Variants in GIGYF1 observed in about 807,000 individuals in gnomAD.
GIGYF1 encodes the protein GRB10-interacting GYF protein 1.
GIGYF1 carries 84 observed loss-of-function variants against 147.1 expected under a neutral mutation model. The ratio of observed to expected loss-of-function variants is 0.57; its 90% CI spans 0.48 to 0.68. The LOEUF is 0.68. Among genes scored for constraint, GIGYF1 ranks in the 30% least tolerant of loss-of-function variants. The probability of loss-of-function intolerance (pLI) is 0.00; values close to 1 mark genes in which losing one functional copy is unlikely to be tolerated. For synonymous variants in GIGYF1, 752 were observed against 589.5 expected (o/e 1.28, Z -3.99); for missense variants, 1,485 against 1,393.7 (o/e 1.07, Z -1.04).
In GIGYF1 at chr7:100,691,298, C is replaced by T. The variant is rs146349137; in HGVS notation, c.-1098-1743G>A. On this transcript the variant is annotated intron_variant, in intron 1 of 26. Coordinates refer to ENST00000678049, the MANE Select transcript of GIGYF1 (RefSeq NM_001375765.1). The stretch of plus-strand genomic sequence containing the variant: ...GCTATGTGACTCCAGATACCAAGTG[C>T]GCCAGTGCTGAGACACCCTCCTCTG... Among the ~76,000 whole-genome samples the T allele has an allele frequency of 3.0e-4, 46 of 152,272 alleles. 1 individual carries two copies. In the East Asian group the frequency reaches 7.4e-3, roughly 24 times the overall value.
chr7:100,689,159 GA>G lies in GIGYF1; in HGVS notation c.-703del, dbSNP rs747459515. ...ACTCTAGGGCCACAGACGGGTACAC[GA>G]CAAGGACTCCAGGCAGGCAAGCCTG... On this transcript the variant is annotated 5_prime_UTR_variant, in exon 2 of 27. Coordinates refer to ENST00000678049, the MANE Select transcript of GIGYF1 (RefSeq NM_001375765.1). The G allele has an allele frequency of 6.6e-6, 1 of 152,354 alleles. No homozygotes were observed. Among genetic ancestry groups the G allele is most frequent in the Non-Finnish European group, 1.5e-5 (1 of 68,200 alleles). 9.4% of individuals were successfully genotyped at this position (152,354 alleles called of 1,614,324 possible).
rs1188005605 is a variant in GIGYF1 at position 100,688,102 on chromosome 7, G to A, written c.44C>T (p.Ala15Val). 1 of 1,608,272 alleles carries A rather than the reference G, an allele frequency of 6.2e-7. No individual in the cohort carries two copies. The highest frequency in any genetic ancestry group is 2.2e-5 in the East Asian group (1 of 44,780). ...TLNFGPEWLRALSGGGSVASP... is the reference protein window; with the variant it reads ...TLNFGPEWLRVLSGGGSVASP... Reference sequence around the variant, plus strand: ...GGCCACGCTGCCGCCCCCGGACAGGGCCCTGAGCCTGGACACAACACAGAG... The same window carrying A: ...GGCCACGCTGCCGCCCCCGGACAGGACCCTGAGCCTGGACACAACACAGAG... Residue 15 changes from alanine (A) to valine (V), a missense_variant, in exon 5 of 27, where the codon GCC (alanine) becomes GTC (valine). Transcript: ENST00000678049.
chr7:100,679,780 G>C lies in GIGYF1; in HGVS notation c.*1939C>G, dbSNP rs1804550494. On this transcript the variant is annotated 3_prime_UTR_variant, in exon 27 of 27. Transcript: ENST00000678049. ...GTAAACATTGACCACTCTCAGAAGGGGATGGGGGTGGGAGAGGGCTCCCCC... is the reference window on the plus strand; with the variant it reads ...GTAAACATTGACCACTCTCAGAAGGCGATGGGGGTGGGAGAGGGCTCCCCC... 6.6e-6 allele frequency: 1 copy of C among 152,592 alleles called. No individual in the cohort carries two copies. The highest frequency in any genetic ancestry group is 2.4e-5 in the African/African-American group (1 of 41,416). 9.5% of individuals were successfully genotyped at this position (152,592 alleles called of 1,614,324 possible). A position where few individuals can be genotyped will look rare whatever the true frequency, so the allele number is the denominator to read the frequency against.
At position 100,682,227 on chromosome 7, in the gene GIGYF1, C is replaced by T. The variant is rs1396327947; in HGVS notation, c.2770G>A (p.Ala924Thr). The change falls in exon 25 of 27, where the codon GCT becomes ACT. Residue 924 changes from alanine (A) to threonine (T), a missense_variant. Transcript: ENST00000678049. The stretch of plus-strand genomic sequence containing the variant: ...TCCACCTCCTTGAGGATCGCTACAG[C>T]CATGGGCACTGCAGGATGAGCGAAG... ...SATGSLDVPM[A>T]VAILKEVESP... is the part of the protein sequence containing the mutation. 1 of 1,612,108 alleles carries T rather than the reference C, an allele frequency of 6.2e-7. No individual in the cohort carries two copies. The highest frequency in any genetic ancestry group is 8.5e-7 in the Non-Finnish European group (1 of 1,179,788).
chr7:100,687,462 G>A (rs774950961), intron 7 of GIGYF1, 43 bp downstream of exon 7: 12 of 1,604,634 alleles, frequency 7.5e-6, no homozygotes, highest in Non-Finnish European at 1.0e-5. Context: ...GAAGTCAGGG[G>A]CCCAGATCTG....
In GIGYF1 at chr7:100,688,776, T is replaced by G. The variant is rs1053939156; in HGVS notation, c.-319A>C. 1.1e-5 allele frequency: 3 copies of G among 277,942 alleles called. No individual in the cohort carries two copies. The highest frequency in any genetic ancestry group is 2.2e-5 in the Non-Finnish European group (3 of 136,380). 17.2% of individuals were successfully genotyped at this position (277,942 alleles called of 1,614,324 possible). On this transcript the variant is annotated 5_prime_UTR_variant, in exon 2 of 27. Transcript: ENST00000678049. ...CAGGACATGGCTCTGCCGGCAGCCCTGCCCTGCCCCGCATGACAGGAGAGG... is the reference window on the plus strand; with the variant it reads ...CAGGACATGGCTCTGCCGGCAGCCCGGCCCTGCCCCGCATGACAGGAGAGG...
At chr7:100,692,542 G>C (rs779615492) in intron 1 of GIGYF1, among the ~76,000 whole-genome samples, 2 of 152,160 alleles carry the variant, frequency 1.3e-5, no homozygotes, top group Non-Finnish European at 2.9e-5. Flanking sequence ...CCTTCATCTA[G>C]CCTCCTCCTC....
chr7:100,693,670 G>A (rs1357943999), intron 1 of GIGYF1, among the ~76,000 whole-genome samples: 1 of 152,116 alleles, frequency 6.6e-6, no homozygotes, highest in Non-Finnish European at 1.5e-5. Flanking sequence ...ACCCTAGGAC[G>A]CTAGGGTCGG....
rs758498579 is a variant in GIGYF1, at chr7:100,687,382, A to C, written c.398T>G (p.Phe133Cys). 7 of 1,613,374 alleles carry C rather than the reference A, an allele frequency of 4.3e-6. No homozygotes were observed. In the Admixed American group the frequency reaches 5.0e-5, roughly 12 times the overall value. ...GCCTTCTTCGATGCTTCTTTGGTAAAAGCAGCTGTCACCACGGCCGCGGCC... is the reference window on the plus strand; with the variant it reads ...GCCTTCTTCGATGCTTCTTTGGTAACAGCAGCTGTCACCACGGCCGCGGCC... ...SRGRGRGDSC[F>C]YQRSIEEGDG... Residue 133 changes from phenylalanine (F) to cysteine (C), a missense_variant, in exon 8 of 27, where the codon TTT becomes TGT. Physicochemically the swap from Phe to Cys is radical, Grantham distance 205. Transcript: ENST00000678049.
Position 100,680,525 on chromosome 7 carries a change from G to A in GIGYF1, c.*1194C>T, listed in dbSNP as rs964049482. On this transcript the variant is annotated 3_prime_UTR_variant, in exon 27 of 27. Coordinates refer to ENST00000678049, the MANE Select transcript of GIGYF1 (RefSeq NM_001375765.1). ...CCCCAACCTTACCCAACGGTAAAAAGCGCATCATATCAGACCCGGAAGGCC... is the reference window on the plus strand; with the variant it reads ...CCCCAACCTTACCCAACGGTAAAAAACGCATCATATCAGACCCGGAAGGCC... The A allele has an allele frequency of 6.6e-6, 1 of 152,654 alleles. No individual in the cohort carries two copies. Among genetic ancestry groups the A allele is most frequent in the African/African-American group, 2.4e-5 (1 of 41,446 alleles). 9.5% of individuals were successfully genotyped at this position (152,654 alleles called of 1,614,324 possible).
In GIGYF1 at chr7:100,686,300, C is replaced by A; in HGVS notation, c.828G>T (p.Arg276=). Residue 276 remains arginine (R), a synonymous_variant, in exon 11 of 27, where the codon CGG becomes CGT. Coordinates refer to ENST00000678049, the MANE Select transcript of GIGYF1 (RefSeq NM_001375765.1). ...CAAAGCCTTCAGGCGCTCGGCACCG[C>A]CGCAGGTGAGAGCTGCCTCCCCCTC... ...GRGGGGSSHL[R]RCRAPEGFEE... is the part of the protein sequence containing the mutation. 6.2e-7 allele frequency: 1 copy of A among 1,614,056 alleles called. No individual in the cohort carries two copies. Among genetic ancestry groups the A allele is most frequent in the South Asian group, 1.1e-5 (1 of 91,088 alleles).
In GIGYF1 at chr7:100,683,386, C is replaced by T. The variant is rs752731026; in HGVS notation, c.2111G>A (p.Arg704His). 23 of 1,613,504 alleles carry T rather than the reference C, an allele frequency of 1.4e-5. No individual in the cohort carries two copies. The highest frequency in any genetic ancestry group is 4.5e-5 in the East Asian group (2 of 44,888). The change falls in exon 21 of 27, where the codon CGT (arginine) becomes CAT (histidine). Residue 704 changes from arginine (R) to histidine (H), a missense_variant. Physicochemically the swap from Arg to His is conservative, Grantham distance 29. Coordinates refer to ENST00000678049, the MANE Select transcript of GIGYF1 (RefSeq NM_001375765.1). ...CTGCTGGCGGCGCTTCTCCTCTCGA[C>T]GCTTGCGTTCCTCTTCCTCCCGCTT... The part of the protein sequence containing the change: ...RAKREEEERK[R>H]REEKRRQQQQ...
At position 100,688,434 on chromosome 7, in the gene GIGYF1, G is replaced by A. The variant is rs1562884818; in HGVS notation, c.-70+17C>T. ...CCGGACTAGCTGGTGGGTCACCTGG[G>A]GTCTAAAAGGACTCACCTGAGCCAG... On this transcript the variant is annotated intron_variant, in intron 3 of 26. Coordinates refer to ENST00000678049, the MANE Select transcript of GIGYF1 (RefSeq NM_001375765.1). 3 of 698,782 alleles carry A rather than the reference G, an allele frequency of 4.3e-6. No homozygotes were observed. The highest frequency in any genetic ancestry group is 7.8e-6 in the Non-Finnish European group (3 of 384,960). 43.3% of individuals were successfully genotyped at this position (698,782 alleles called of 1,614,324 possible).
In GIGYF1 at chr7:100,682,352, G is replaced by A; in HGVS notation, c.2731C>T (p.His911Tyr). 3 of 1,613,238 alleles carry A rather than the reference G, an allele frequency of 1.9e-6. No homozygotes were observed. Among genetic ancestry groups the A allele is most frequent in the Middle Eastern group, 1.6e-4 (1 of 6,062 alleles). ...GFTQWCEQML[H>Y]TLSATGSLDV... is the part of the protein sequence containing the mutation. ...AGGCTGCCCGTGGCGCTCAGCGTGTGCAGCATCTGCTCGCACCACTGGGTG... is the reference window on the plus strand; with the variant it reads ...AGGCTGCCCGTGGCGCTCAGCGTGTACAGCATCTGCTCGCACCACTGGGTG... The change falls in exon 24 of 27, where the codon CAC becomes TAC. Residue 911 changes from histidine (H) to tyrosine (Y), a missense_variant. Coordinates refer to ENST00000678049, the MANE Select transcript of GIGYF1 (RefSeq NM_001375765.1).
Position 100,688,284 on chromosome 7 carries a change from A to G in GIGYF1, c.-46T>C, listed in dbSNP as rs745416844. ...AGAGGCCGGGGGTGGGGAGGAGGGG[A>G]CCTGGCGTTCACTGTCCAAACACCT... is the stretch of plus-strand genomic sequence containing the variant. On this transcript the variant is annotated 5_prime_UTR_variant, in exon 4 of 27. Coordinates refer to ENST00000678049, the MANE Select transcript of GIGYF1 (RefSeq NM_001375765.1). 2 of 1,262,148 alleles carry G rather than the reference A, an allele frequency of 1.6e-6. No homozygotes were observed. The highest frequency in any genetic ancestry group is 2.3e-6 in the Non-Finnish European group (2 of 863,200). 78.2% of individuals were successfully genotyped at this position (1,262,148 alleles called of 1,614,324 possible). A position where few individuals can be genotyped will look rare whatever the true frequency, so the allele number is the denominator to read the frequency against.
rs988948525 is a variant in GIGYF1, at chr7:100,680,775, C to A, written c.*944G>T. On this transcript the variant is annotated 3_prime_UTR_variant, in exon 27 of 27. Coordinates refer to ENST00000678049, the MANE Select transcript of GIGYF1 (RefSeq NM_001375765.1). ...AGCCTCTGGAGCAATCATCCACCCCCGCCGCTCACAGGGGTGAGGCAGCTC... is the reference window on the plus strand; with the variant it reads ...AGCCTCTGGAGCAATCATCCACCCCAGCCGCTCACAGGGGTGAGGCAGCTC... 1 of 152,806 alleles carries A rather than the reference C, an allele frequency of 6.5e-6. No homozygotes were observed. The highest frequency in any genetic ancestry group is 6.5e-5 in the Admixed American group (1 of 15,292). The allele number at this position is 152,806 out of a possible 1,614,324, so 9.5% of individuals were successfully genotyped here. A position where few individuals can be genotyped will look rare whatever the true frequency, so the allele number is the denominator to read the frequency against.
chr7:100,684,520 G>A lies in GIGYF1; in HGVS notation c.1559C>T (p.Pro520Leu), dbSNP rs780979537. ...VKRGCDEGFQ[P>L]LGEVIKMWGR... ...CCACATCTTGATCACCTCGCCCAGC[G>A]GCTGGAAGCCCTCATCGCAGCCCCG... The change falls in exon 16 of 27, where the codon CCG becomes CTG. Residue 520 changes from proline to leucine, a missense_variant. Physicochemically the swap from Pro to Leu is moderately conservative, Grantham distance 98 (BLOSUM62 -3). Coordinates refer to ENST00000678049, the MANE Select transcript of GIGYF1 (RefSeq NM_001375765.1). The A allele has an allele frequency of 1.1e-5, 17 of 1,613,868 alleles. No homozygotes were observed. Among genetic ancestry groups the A allele is most frequent in the Non-Finnish European group, 1.4e-5 (17 of 1,180,036 alleles).
chr7:100,685,226 C>T (rs1335258172), intron 13 of GIGYF1, 80 bp from the exon 14 acceptor site: 2 of 1,519,608 alleles, frequency 1.3e-6, no homozygotes, highest in Admixed American at 1.9e-5. Flanking sequence ...CTCCAGAACA[C>T]CACGCTCTTG....
rs1162883935 is a variant in GIGYF1 at position 100,686,317 on chromosome 7, C to T, written c.811G>A (p.Gly271Ser). Reference protein sequence around the residue: ...CGEEEGRGGGGSSHLRRCRAP... With the variant: ...CGEEEGRGGGSSSHLRRCRAP... ...CGGCACCGCCGCAGGTGAGAGCTGC[C>T]TCCCCCTCCCCGCCCCTCCTCTTCA... The change falls in exon 11 of 27, where the codon GGC (glycine) becomes AGC (serine). Residue 271 changes from glycine (G) to serine (S), a missense_variant. Gly to Ser is a moderately conservative substitution (Grantham distance 56, BLOSUM62 0). Coordinates refer to ENST00000678049, the MANE Select transcript of GIGYF1 (RefSeq NM_001375765.1). 1.9e-6 allele frequency: 3 copies of T among 1,613,890 alleles called. No individual in the cohort carries two copies. The highest frequency in any genetic ancestry group is 2.5e-6 in the Non-Finnish European group (3 of 1,179,922).
Sources: gnomAD v4.1 joint callset for allele counts (sites outside exome capture counted in the v4.1 genomes callset) on GRCh38, gnomAD v4.1.1 for gene constraint, MANE v1.5 for transcripts, NCBI Gene and HGNC (gene_info 2026-07-23, HGNC 2026-07-21) for gene names.